Variants in AGBL1 observed in about 807,000 individuals in gnomAD.
AGBL1 encodes cytosolic carboxypeptidase 4.
AGBL1 carries 130 observed loss-of-function variants against 118.9 expected under a neutral mutation model. The observed-to-expected ratio is 1.09, with a 90% CI of 0.95 to 1.26. AGBL1 has a LOEUF of 1.26. Ranked by LOEUF, AGBL1 falls within the 50% of genes most tolerant of loss-of-function variation. AGBL1 has a pLI of 0.00. For missense variants in AGBL1, 1,584 were observed against 1,298.1 expected (o/e 1.22, Z -3.38); for synonymous variants, 555 against 478.9 (o/e 1.16, Z -2.08).
At chr15:87,021,133 G>A (rs1463377390) in intron 24 of AGBL1, among the ~76,000 whole-genome samples, 1 of 152,076 alleles carries the variant, frequency 6.6e-6, no homozygotes, top group Non-Finnish European at 1.5e-5. Flanking sequence ...AAACAGCATG[G>A]TACTGGTAAA....
chr15:86,415,479 A>G (rs547140452), intron 18 of AGBL1, among the ~76,000 whole-genome samples: 3 of 152,306 alleles, frequency 2.0e-5, no homozygotes, highest in Non-Finnish European at 2.9e-5. Flanking sequence ...TATGCCTGAT[A>G]CTTAATAGTG....
intron 17 of AGBL1, among the ~76,000 whole-genome samples, chr15:86,393,105 A>G (rs2081312467): frequency 6.6e-6 from 1 of 152,280 alleles, no homozygotes; most frequent in South Asian, 2.1e-4. Context: ...TGGCTAAAAT[A>G]CTGCTTATGT....
At chr15:86,380,905 C>T (rs2081105412) in intron 17 of AGBL1, among the ~76,000 whole-genome samples, 1 of 151,818 alleles carries the variant, frequency 6.6e-6, no homozygotes, top group Middle Eastern at 3.4e-3. Context: ...ACTCACTACT[C>T]TTTGTTGTTC....
At chr15:86,730,304 T>A (rs1042698670) in intron 22 of AGBL1, among the ~76,000 whole-genome samples, 1 of 152,130 alleles carries the variant, frequency 6.6e-6, no homozygotes, top group Admixed American at 6.5e-5. Context: ...CAAGAGAAAC[T>A]ATCAACAGAG....
intron 18 of AGBL1, among the ~76,000 whole-genome samples, chr15:86,469,824 A>T (rs1379120927): frequency 1.3e-5 from 2 of 152,082 alleles, no homozygotes; most frequent in South Asian, 4.1e-4. Context: ...TTCCCAGATG[A>T]TTAGTGAAGT....
chr15:86,316,369 C>T (rs573716706), intron 17 of AGBL1, among the ~76,000 whole-genome samples: 4 of 152,278 alleles, frequency 2.6e-5, no homozygotes, highest in East Asian at 1.9e-4. Flanking sequence ...CTCTCCTACA[C>T]GGCTTATACT....
At chr15:86,183,516 T>C (rs1264645128) in intron 5 of AGBL1, among the ~76,000 whole-genome samples, 2 of 152,190 alleles carry the variant, frequency 1.3e-5, no homozygotes, top group African/African-American at 4.8e-5. Context: ...CACACCATGC[T>C]GTAGCATGAT....
chr15:86,346,471 C>T (rs548706837), intron 17 of AGBL1, among the ~76,000 whole-genome samples: 23 of 152,074 alleles, frequency 1.5e-4, no homozygotes, highest in South Asian at 8.3e-4. Flanking sequence ...CTCAGCCTCC[C>T]GAGTAACTGG....
intron 21 of AGBL1, among the ~76,000 whole-genome samples, chr15:86,587,305 C>T (rs1461670213): frequency 1.3e-5 from 2 of 152,144 alleles, no homozygotes; most frequent in African/African-American, 2.4e-5. Flanking sequence ...TTTCCTCTGA[C>T]CTCTATGCTC....
rs889308295 is a variant in AGBL1 at position 86,728,828 on chromosome 15, T to G, written c.3158+54392T>G. On this transcript the variant is annotated intron_variant, in intron 22 of 22. Transcript: ENST00000614907. ...TCACTGTGTTAAAATATAGATAAAATGGGCCCATTCCACCCATTTTCCAGA... is the reference window on the plus strand; with the variant it reads ...TCACTGTGTTAAAATATAGATAAAAGGGGCCCATTCCACCCATTTTCCAGA... 3.3e-5 allele frequency among the ~76,000 whole-genome samples: 5 copies of G among 152,168 alleles called. No homozygotes were observed. In the South Asian group the frequency reaches 8.3e-4, roughly 25 times the overall value.
intron 22 of AGBL1, among the ~76,000 whole-genome samples, chr15:86,897,806 GT>G (rs1435703199): frequency 2.8e-5 from 3 of 108,798 alleles, no homozygotes; most frequent in Non-Finnish European, 5.1e-5. Flanking sequence ...GAATCACTCT[GT>G]CACCCAGGCT....
At chr15:86,894,567 G>T (rs565816390) in intron 22 of AGBL1, among the ~76,000 whole-genome samples, 1 of 152,248 alleles carries the variant, frequency 6.6e-6, no homozygotes, top group South Asian at 2.1e-4. Flanking sequence ...TAAGTGTGAG[G>T]CTGTTTATGA....
chr15:86,623,470 C>T (rs953549042), intron 21 of AGBL1, among the ~76,000 whole-genome samples: 2 of 152,224 alleles, frequency 1.3e-5, no homozygotes, highest in African/African-American at 4.8e-5. Flanking sequence ...ATATGCAGAA[C>T]TTTTGCCTCG....
At chr15:86,768,145 T>C (rs901032934) in intron 22 of AGBL1, among the ~76,000 whole-genome samples, 2 of 151,942 alleles carry the variant, frequency 1.3e-5, no homozygotes, top group Non-Finnish European at 2.9e-5. Flanking sequence ...GCATTACAGC[T>C]GATGGGAATA....
chr15:86,834,507 T>G (rs1048403724), intron 22 of AGBL1, among the ~76,000 whole-genome samples: 6 of 152,138 alleles, frequency 3.9e-5, no homozygotes, highest in African/African-American at 1.4e-4. Context: ...TAGGGATAAA[T>G]TAGGATCTGC....
chr15:86,410,828 A>ACTATTT (rs2081599456), intron 18 of AGBL1, among the ~76,000 whole-genome samples: 3 of 94,360 alleles, frequency 3.2e-5, no homozygotes, highest in South Asian at 3.2e-4. Flanking sequence ...ATATATATAT[A>ACTATTT]TATATATATA....
At chr15:86,768,979 C>G (rs754486140) in intron 22 of AGBL1, among the ~76,000 whole-genome samples, 2 of 151,928 alleles carry the variant, frequency 1.3e-5, no homozygotes, top group Non-Finnish European at 2.9e-5. Flanking sequence ...TGCTAGATAA[C>G]ATAGACCCCT....
At chr15:86,856,957 T>G (rs1028097022) in intron 22 of AGBL1, among the ~76,000 whole-genome samples, 5 of 152,210 alleles carry the variant, frequency 3.3e-5, no homozygotes, top group African/African-American at 1.2e-4. Flanking sequence ...AAGTCCCATG[T>G]GCTCTCTTCT....
chr15:86,363,359 T>C (rs1248986281), intron 17 of AGBL1, among the ~76,000 whole-genome samples: 1 of 152,170 alleles, frequency 6.6e-6, no homozygotes, highest in African/African-American at 2.4e-5. Context: ...TTTGTTCCCA[T>C]ATTCTTTGTA....
Sources: gnomAD v4.1 joint callset for allele counts (sites outside exome capture counted in the v4.1 genomes callset) on GRCh38, gnomAD v4.1.1 for gene constraint, MANE v1.5 for transcripts, NCBI Gene and HGNC (gene_info 2026-07-23, HGNC 2026-07-21) for gene names.